ENTR1: variants seen among roughly 807,000 people sequenced by gnomAD.
The protein encoded by ENTR1 is endosome associated trafficking regulator 1.
A neutral mutation model predicts 47.9 loss-of-function variants in ENTR1; 47 were observed. The ratio of observed to expected loss-of-function variants is 0.98; its 90% CI spans 0.78 to 1.25. The LOEUF (loss-of-function observed/expected upper bound fraction) is 1.25. ENTR1 is among the 50% of genes most tolerant of loss of function. The pLI is 0.00. For missense variants in ENTR1, 668 were observed against 570.5 expected (o/e 1.17, Z -1.74); for synonymous variants, 290 against 245.8 (o/e 1.18, Z -1.68).
chr9:136,410,267 C>T (rs777624463), intron 1 of ENTR1, 28 bp from the exon 2 acceptor site: 3 of 1,557,114 alleles, frequency 1.9e-6, no homozygotes, highest in East Asian at 4.8e-5. Flanking sequence ...AGCGACTTTA[C>T]TGCGTGCCGG....
intron 8 of ENTR1, 145 bp downstream of exon 8, chr9:136,404,486 G>A: frequency 1.1e-6 from 1 of 915,224 alleles, no homozygotes; most frequent in South Asian, 1.7e-5. Flanking sequence ...GCCCTGACAG[G>A]AAGCGGCTGC....
intron 9 of ENTR1, 60 bp downstream of exon 9, chr9:136,403,995 C>G: frequency 6.6e-7 from 1 of 1,512,046 alleles, no homozygotes; most frequent in South Asian, 1.3e-5. Flanking sequence ...GGATCACTGA[C>G]GACCACTCCA....
chr9:136,408,533 G>A (rs960793157), intron 3 of ENTR1, among the ~76,000 whole-genome samples: 3 of 152,038 alleles, frequency 2.0e-5, no homozygotes, highest in East Asian at 1.9e-4. Context: ...AGCCGAGATC[G>A]TGCCACTGTA....
chr9:136,407,384 C>T lies in ENTR1; in HGVS notation c.580G>A (p.Glu194Lys), dbSNP rs746532770. 2.1e-5 allele frequency: 34 copies of T among 1,606,388 alleles called. No individual in the cohort carries two copies. The highest frequency in any genetic ancestry group is 2.1e-4 in the Middle Eastern group (1 of 4,774). ...GGGACCCTCTCGGGGTGAGTCTGCT[C>T]GATGGCGGACGGCAGGTAGGCCCCA... The part of the protein sequence containing the change: ...WSGAYLPSAI[E>K]QTHPERVPAG... Residue 194 changes from glutamate (E) to lysine (K), a missense_variant, in exon 5 of 10, where the codon GAG (glutamate) becomes AAG (lysine). Transcript: ENST00000357365.
intron 7 of ENTR1, 151 bp downstream of exon 7, chr9:136,404,940 G>C: frequency 1.4e-6 from 1 of 702,040 alleles, no homozygotes; most frequent in South Asian, 1.7e-5. Flanking sequence ...CCCAGGCACA[G>C]CGAGACAGCG....
intron 3 of ENTR1, among the ~76,000 whole-genome samples, chr9:136,408,176 A>G (rs1009458287): frequency 1.1e-4 from 17 of 152,036 alleles, no homozygotes; most frequent in African/African-American, 4.1e-4. Context: ...CTGCTCCCAC[A>G]CTGTGCTGCT....
At chr9:136,407,708 C>G in intron 4 of ENTR1, 118 bp downstream of exon 4, 1 of 1,359,058 alleles carries the variant, frequency 7.4e-7, no homozygotes. Flanking sequence ...CAGAGCTGCT[C>G]CCCAGCACTG....
chr9:136,408,967 G>A (rs752835243), intron 3 of ENTR1, 32 bp downstream of exon 3: 7 of 1,591,448 alleles, frequency 4.4e-6, no homozygotes, highest in Non-Finnish European at 6.0e-6. Flanking sequence ...GTTGGATGGA[G>A]ACAAGAAGAA....
In ENTR1 at chr9:136,402,733, C is replaced by T. The variant is rs1834542755; in HGVS notation, c.*55G>A. 3.4e-6 allele frequency: 4 copies of T among 1,161,868 alleles called. No homozygotes were observed. The highest frequency in any genetic ancestry group is 4.7e-5 in the East Asian group (2 of 42,720). The allele number at this position is 1,161,868 out of a possible 1,614,324, so 72.0% of individuals were successfully genotyped here. On this transcript the variant is annotated 3_prime_UTR_variant, in exon 10 of 10. Coordinates refer to ENST00000357365, the MANE Select transcript of ENTR1 (RefSeq NM_001039707.2). ...GACACAACTGCACATTTAGATCGAG[C>T]GGTGGTGACCTCAGGGTATACACGG...
intron 8 of ENTR1, 110 bp from the exon 9 acceptor site, chr9:136,404,304 A>G (rs2131548368): frequency 2.1e-6 from 3 of 1,440,792 alleles, no homozygotes; most frequent in African/African-American, 1.4e-5. Context: ...CTCAAGATGC[A>G]TGCTCTGGCC....
intron 5 of ENTR1, among the ~76,000 whole-genome samples, chr9:136,406,386 T>C (rs1834764469): frequency 6.6e-6 from 1 of 151,904 alleles, no homozygotes; most frequent in Non-Finnish European, 1.5e-5. Context: ...GGAGAATCAC[T>C]TGAACTCGGG....
At chr9:136,406,534 T>A (rs762270796) in intron 5 of ENTR1, among the ~76,000 whole-genome samples, 6 of 150,112 alleles carry the variant, frequency 4.0e-5, no homozygotes, top group Non-Finnish European at 5.9e-5. Context: ...TGGAGTACAG[T>A]GGCGTGACCT....
intron 5 of ENTR1, chr9:136,406,938 T>C (rs528506011): frequency 5.3e-6 from 3 of 565,564 alleles, no homozygotes; most frequent in East Asian, 2.9e-5. Flanking sequence ...TCACAGCTTC[T>C]AGCTCACCAG....
intron 2 of ENTR1, among the ~76,000 whole-genome samples, chr9:136,409,496 A>T (rs562388991): frequency 2.0e-5 from 3 of 151,782 alleles, no homozygotes; most frequent in Admixed American, 6.5e-5. Flanking sequence ...AGAAAACTTT[A>T]AAAAAAACAC....
Position 136,405,196 on chromosome 9 carries a change from C to T in ENTR1, c.900G>A (p.Arg300=), listed in dbSNP as rs1834707024. The T allele has an allele frequency of 3.7e-6, 6 of 1,613,446 alleles. No individual in the cohort carries two copies. The East Asian group carries it at 1.1e-4, about 30-fold the overall frequency. The change falls in exon 7 of 10, where the codon AGG becomes AGA. Residue 300 remains arginine (R), a synonymous_variant. Transcript: ENST00000357365. ...SFSEAQTEMV[R]TLERKLEAKM... Reference sequence around the variant, plus strand: ...TTGCTTCTAACTTCCGCTCAAGCGTCCTCACCCTTGTTAAAGAAAAACCCG... The same window carrying T: ...TTGCTTCTAACTTCCGCTCAAGCGTTCTCACCCTTGTTAAAGAAAAACCCG...
chr9:136,407,931 T>G lies in ENTR1; in HGVS notation c.297A>C (p.Arg99Ser). ...GATTTGCCTCTTCCAGATCTTCAAA[T>G]CTGTCATCTGAAATAACAGACATCA... ...GAHGTHFGDD[R>S]FEDLEEANPF... Residue 99 changes from arginine to serine, a missense_variant, in exon 4 of 10, where the codon AGA becomes AGC. Arg to Ser is a moderately radical substitution (Grantham distance 110). Transcript: ENST00000357365. 6.3e-7 allele frequency: 1 copy of G among 1,593,942 alleles called. No homozygotes were observed. The highest frequency in any genetic ancestry group is 8.6e-7 in the Non-Finnish European group (1 of 1,161,808).
intron 7 of ENTR1, 199 bp from the exon 8 acceptor site, chr9:136,404,892 C>A (rs887896271): frequency 9.0e-6 from 6 of 667,644 alleles, no homozygotes; most frequent in Non-Finnish European, 1.5e-5. Flanking sequence ...GTGCTCTGGC[C>A]CCCCACTCCC....
chr9:136,410,332 G>C lies in ENTR1; in HGVS notation c.66C>G (p.Pro22=), dbSNP rs1402596367. 7 of 1,546,424 alleles carry C rather than the reference G, an allele frequency of 4.5e-6. No homozygotes were observed. The highest frequency in any genetic ancestry group is 5.2e-6 in the Non-Finnish European group (6 of 1,145,872). The change falls in exon 1 of 10, where the codon CCC becomes CCG. Residue 22 remains proline (P), a synonymous_variant. Transcript: ENST00000357365. ...PLSRARSLAI[P]DAPAFYERRS... ...CTCGGCCCCTGCCCCGCTCACCGTC[G>C]GGAATGGCGAGGCTCCGGGCTCGGG...
chr9:136,407,562 C>CCA lies in ENTR1; in HGVS notation c.403-2_403-1insTG. ...GTCCCAGGGAATGCCTCGAGGCTTC[C>CCA]TAAAAAAAAAAAAAAAAAAAAAACA... On this transcript the variant is annotated splice_acceptor_variant, in intron 4 of 9. Transcript: ENST00000357365. LOFTEE classifies it high-confidence loss of function. 1 of 1,193,188 alleles carries CCA rather than the reference C, an allele frequency of 8.4e-7. No homozygotes were observed. Among genetic ancestry groups the CCA allele is most frequent in the South Asian group, 1.8e-5 (1 of 54,652 alleles). The allele number at this position is 1,193,188 out of a possible 1,614,324, so 73.9% of individuals were successfully genotyped here. A position where few individuals can be genotyped will look rare whatever the true frequency, so the allele number is the denominator to read the frequency against.
Sources: allele counts gnomAD v4.1 joint callset (sites outside exome capture counted in the v4.1 genomes callset), GRCh38; gene constraint gnomAD v4.1.1; transcripts MANE v1.5; gene names NCBI Gene and HGNC (gene_info 2026-07-23, HGNC 2026-07-21).